SLC10A2: variants seen among roughly 807,000 people sequenced by gnomAD.
SLC10A2 encodes solute carrier family 10 member 2.
In SLC10A2, 34 loss-of-function variants were observed where a neutral mutation model predicts 27.1. The ratio of observed to expected loss-of-function variants is 1.26; its 90% confidence interval spans 0.96 to 1.67. The LOEUF (loss-of-function observed/expected upper bound fraction) is 1.67. SLC10A2 is among the 40% of genes most tolerant of loss of function. The pLI is 0.00. For missense variants in SLC10A2, 530 were observed against 444.4 expected (o/e 1.19, Z -1.73); for synonymous variants, 205 against 174.0 (o/e 1.18, Z -1.40).
At position 103,066,103 on chromosome 13, in the gene SLC10A2, C is replaced by T; in HGVS notation, c.147G>A (p.Met49Ile). The change falls in exon 1 of 6, where the codon ATG becomes ATA. Residue 49 changes from methionine (M) to isoleucine (I), a missense_variant. Coordinates refer to ENST00000245312, the MANE Select transcript of SLC10A2 (RefSeq NM_000452.3). The part of the protein sequence containing the change: ...TILLALVMFS[M>I]GCNVEIKKFL... The stretch of plus-strand genomic sequence containing the variant: ...ATTTCTTGATTTCCACGTTGCATCC[C>T]ATGGAGAACATCACCAAGGCCAACA... The T allele has an allele frequency of 6.2e-7, 1 of 1,614,200 alleles. No homozygotes were observed. Among genetic ancestry groups the T allele is most frequent in the African/African-American group, 1.3e-5 (1 of 75,058 alleles).
rs200018808 is a variant in SLC10A2 at position 103,066,225 on chromosome 13, C to G, written c.25G>C (p.Asp9His). MNDPNSCV[D>H]NATVCSGASC... ...GCACCAGAGCAAACTGTTGCATTGT[C>G]CACACAGCTGTTCGGATCATTCATT... is the stretch of plus-strand genomic sequence containing the variant. Residue 9 changes from aspartate (D) to histidine (H), a missense_variant, in exon 1 of 6, where the codon GAC (aspartate) becomes CAC (histidine). Transcript: ENST00000245312. The G allele has an allele frequency of 4.1e-5, 66 of 1,611,968 alleles. No homozygotes were observed. The Admixed American group carries it at 1.1e-3, about 26-fold the overall frequency.
At chr13:103,059,292 T>A (rs942036350) in intron 1 of SLC10A2, among the ~76,000 whole-genome samples, 1 of 152,232 alleles carries the variant, frequency 6.6e-6, no homozygotes, top group African/African-American at 2.4e-5. Flanking sequence ...TTTGCCCACT[T>A]TTTAATGGGT....
intron 1 of SLC10A2, 69 bp downstream of exon 1, chr13:103,065,804 G>C: frequency 6.4e-7 from 1 of 1,574,672 alleles, no homozygotes. Context: ...TGGACATTCA[G>C]AATGCCATAG....
intron 4 of SLC10A2, among the ~76,000 whole-genome samples, chr13:103,050,864 G>T (rs959039418): frequency 6.6e-6 from 1 of 152,114 alleles, no homozygotes; most frequent in Non-Finnish European, 1.5e-5. Context: ...CTAACACTCC[G>T]CACCTCAGGA....
intron 1 of SLC10A2, among the ~76,000 whole-genome samples, chr13:103,063,790 G>C (rs1306768370): frequency 6.6e-6 from 1 of 152,222 alleles, no homozygotes; most frequent in Non-Finnish European, 1.5e-5. Flanking sequence ...AGAAGAGTAA[G>C]TGATACAGAG....
intron 3 of SLC10A2, among the ~76,000 whole-genome samples, chr13:103,052,077 C>G (rs1875800020): frequency 6.6e-6 from 1 of 152,186 alleles, no homozygotes; most frequent in Non-Finnish European, 1.5e-5. Flanking sequence ...CATACATATC[C>G]AGATCATCTA....
intron 1 of SLC10A2, among the ~76,000 whole-genome samples, chr13:103,064,260 T>A (rs933809261): frequency 1.5e-5 from 2 of 134,124 alleles, no homozygotes; most frequent in African/African-American, 5.8e-5. Context: ...TTAAAAAAAA[T>A]AATTTATAGG....
At chr13:103,046,338 C>T (rs1156501360) in intron 5 of SLC10A2, 78 bp from the exon 6 acceptor site, 9 of 1,196,044 alleles carry the variant, frequency 7.5e-6, no homozygotes, top group Non-Finnish European at 9.6e-6. Context: ...AGATTATAAC[C>T]TATGATTCAC....
At chr13:103,052,879 C>T (rs1447933132) in intron 2 of SLC10A2, among the ~76,000 whole-genome samples, 171 bp from the exon 3 acceptor site, 3 of 152,116 alleles carry the variant, frequency 2.0e-5, no homozygotes, top group African/African-American at 7.2e-5. Flanking sequence ...CACACTCACT[C>T]AACTTCTTCA....
intron 1 of SLC10A2, among the ~76,000 whole-genome samples, chr13:103,061,868 A>G (rs279920): frequency 0.9 from 137,676 of 152,182 alleles, 62,368 homozygotes; most frequent in African/African-American, 0.93. Context: ...AATAATATAG[A>G]AGCCTAAATT....
chr13:103,065,337 A>C (rs1250234741), intron 1 of SLC10A2, among the ~76,000 whole-genome samples: 1 of 152,210 alleles, frequency 6.6e-6, no homozygotes, highest in Non-Finnish European at 1.5e-5. Flanking sequence ...TTTTAATGCC[A>C]GTAGAGGTGA....
At chr13:103,065,842 T>C (rs199600065) in intron 1 of SLC10A2, 31 bp downstream of exon 1, 9 of 1,613,152 alleles carry the variant, frequency 5.6e-6, no homozygotes, top group Middle Eastern at 1.7e-4. Flanking sequence ...TCCAAGGTGA[T>C]TGCAGTAGTT....
chr13:103,065,450 A>G (rs1371427065), intron 1 of SLC10A2, among the ~76,000 whole-genome samples: 2 of 152,186 alleles, frequency 1.3e-5, no homozygotes, highest in African/African-American at 4.8e-5. Context: ...TACAGGTTCT[A>G]ATGTTTGACA....
At position 103,065,877 on chromosome 13, in the gene SLC10A2, G is replaced by C. The variant is rs555144991; in HGVS notation, c.373C>G (p.Leu125Val). The C allele has an allele frequency of 6.2e-7, 1 of 1,614,056 alleles. No homozygotes were observed. The highest frequency in any genetic ancestry group is 8.5e-7 in the Non-Finnish European group (1 of 1,180,004). The change falls in exon 1 of 6, where the codon CTG (leucine) becomes GTG (valine). Residue 125 changes from leucine to valine, a missense_variant. Physicochemically the swap from Leu to Val is conservative, Grantham distance 32. Transcript: ENST00000245312. The stretch of plus-strand genomic sequence containing the variant: ...TAGAGGTATAGATAATCTTACCTCA[G>C]GTCCATGTCGCCATCGACCCAATAG... ...LAYWVDGDMD[L>V]SVSMTTCSTL... is the part of the protein sequence containing the mutation.
intron 1 of SLC10A2, among the ~76,000 whole-genome samples, chr13:103,063,685 C>A (rs1876193037): frequency 6.6e-6 from 1 of 152,156 alleles, no homozygotes; most frequent in African/African-American, 2.4e-5. Flanking sequence ...TCTTACATAG[C>A]AGTATAATTT....
In SLC10A2 at chr13:103,046,261, C is replaced by T. The variant is rs760757479; in HGVS notation, c.920-1G>A. 10 of 1,610,714 alleles carry T rather than the reference C, an allele frequency of 6.2e-6. No homozygotes were observed. Among genetic ancestry groups the T allele is most frequent in the Non-Finnish European group, 8.5e-6 (10 of 1,177,370 alleles). ...TGACATTTCTTGTATGCCACATAAACTAGAAAACAATACACAGACAGTTAA... is the reference window on the plus strand; with the variant it reads ...TGACATTTCTTGTATGCCACATAAATTAGAAAACAATACACAGACAGTTAA... On this transcript the variant is annotated splice_acceptor_variant, in intron 5 of 5. Coordinates refer to ENST00000245312, the MANE Select transcript of SLC10A2 (RefSeq NM_000452.3). LOFTEE classifies it high-confidence loss of function.
rs186936518 is a variant in SLC10A2, at chr13:103,055,143, C to T, written c.497-2435G>A. 3.3e-5 allele frequency among the ~76,000 whole-genome samples: 5 copies of T among 152,290 alleles called. No individual in the cohort carries two copies. In the East Asian group the frequency reaches 7.7e-4, roughly 23 times the overall value. On this transcript the variant is annotated intron_variant, in intron 2 of 5. Coordinates refer to ENST00000245312, the MANE Select transcript of SLC10A2 (RefSeq NM_000452.3). The stretch of plus-strand genomic sequence containing the variant: ...GGGAACTGTGCAAATCATTGAACCC[C>T]TCTGAGCTTTTGTTTCCTCATTTGT...
At chr13:103,048,401 G>A (rs1336003733) in intron 5 of SLC10A2, among the ~76,000 whole-genome samples, 263 of 130,354 alleles carry the variant, frequency 2.0e-3, no homozygotes, top group African/African-American at 5.6e-3. Context: ...AAAAAAAAAA[G>A]AAAAAAAAAG....
In SLC10A2 at chr13:103,046,062, A is replaced by G; in HGVS notation, c.*71T>C. The stretch of plus-strand genomic sequence containing the variant: ...CTCTTTTCTGCCAACTGTCCTACCA[A>G]AACAAATAATTAAATATAGTTACGG... On this transcript the variant is annotated 3_prime_UTR_variant, in exon 6 of 6. Transcript: ENST00000245312. 6.3e-7 allele frequency: 1 copy of G among 1,577,282 alleles called. No individual in the cohort carries two copies. The highest frequency in any genetic ancestry group is 8.7e-7 in the Non-Finnish European group (1 of 1,148,560).
Sources: gnomAD v4.1 joint callset for allele counts (sites outside exome capture counted in the v4.1 genomes callset) on GRCh38, gnomAD v4.1.1 for gene constraint, MANE v1.5 for transcripts, NCBI Gene and HGNC (gene_info 2026-07-23, HGNC 2026-07-21) for gene names.